TAB2: variants seen among roughly 807,000 people sequenced by gnomAD.
TAB2 encodes the protein TGF-beta activated kinase 1 (MAP3K7) binding protein 2.
A neutral mutation model predicts 65.0 loss-of-function variants in TAB2; 3 were observed. The ratio of observed to expected loss-of-function variants is 0.05; its 90% CI spans 0.02 to 0.12. The LOEUF is 0.12. Ranked by LOEUF, TAB2 falls within the 10% of genes least tolerant of loss-of-function variation. TAB2 has a pLI of 1.00. For synonymous variants in TAB2, 298 were observed against 285.1 expected, an observed-to-expected ratio of 1.05 and a Z score of -0.46; for missense variants, 623 against 840.3, an observed-to-expected ratio of 0.74 and a Z score of 3.20.
In TAB2 at chr6:149,383,987, A is replaced by G. The variant is rs546309121; in HGVS notation, c.1603+4469A>G. ...TGCTTTTACCCTACATAGTTCACAG[A>G]CACTCTCTGCAGTTACTAAACGGGG... On this transcript the variant is annotated intron_variant, in intron 3 of 6. Coordinates refer to ENST00000637181, the MANE Select transcript of TAB2 (RefSeq NM_001292034.3). Among the ~76,000 whole-genome samples, 18 of 152,302 alleles carry G rather than the reference A, an allele frequency of 1.2e-4. No individual in the cohort carries two copies. The South Asian group carries it at 3.5e-3, about 30-fold the overall frequency.
chr6:149,386,906 T>C (rs916817431), intron 3 of TAB2, among the ~76,000 whole-genome samples: 2 of 152,252 alleles, frequency 1.3e-5, no homozygotes, highest in African/African-American at 4.8e-5. Flanking sequence ...GCCATTTGCA[T>C]ATTTTCTTTG....
chr6:149,360,856 G>A (rs144095904), intron 1 of TAB2, among the ~76,000 whole-genome samples: 1 of 152,258 alleles, frequency 6.6e-6, no homozygotes, highest in African/African-American at 2.4e-5. Context: ...ATTCCAAAAG[G>A]GAGAAATTGG....
At chr6:149,344,940 G>A (rs577259515) in intron 1 of TAB2, among the ~76,000 whole-genome samples, 7 of 152,092 alleles carry the variant, frequency 4.6e-5, no homozygotes, top group African/African-American at 7.2e-5. Flanking sequence ...TTATACTCTA[G>A]GCTCAGAGAA....
intron 6 of TAB2, chr6:149,400,150 C>A (rs1782322544): frequency 9.5e-6 from 5 of 527,622 alleles, no homozygotes; most frequent in Admixed American, 3.5e-5. Context: ...TTAAACTCAC[C>A]ACTCACAAGG....
intron 1 of TAB2, among the ~76,000 whole-genome samples, chr6:149,276,333 T>C (rs1181134106): frequency 1.3e-5 from 2 of 152,222 alleles, no homozygotes; most frequent in Non-Finnish European, 2.9e-5. Flanking sequence ...GGTTTATACC[T>C]CTATATATTG....
chr6:149,328,771 CAT>C (rs1779692751), intron 1 of TAB2, among the ~76,000 whole-genome samples: 1 of 152,024 alleles, frequency 6.6e-6, no homozygotes, highest in Non-Finnish European at 1.5e-5. Flanking sequence ...CGGGGTTAAA[CAT>C]AAAATACTTT....
chr6:149,376,633 G>T (rs561291453), intron 2 of TAB2, among the ~76,000 whole-genome samples: 1 of 151,874 alleles, frequency 6.6e-6, no homozygotes, highest in Non-Finnish European at 1.5e-5. Flanking sequence ...TCCTTTCTTC[G>T]GTAGCCTACA....
intron 1 of TAB2, among the ~76,000 whole-genome samples, chr6:149,274,721 A>G (rs1353083005): frequency 6.6e-6 from 1 of 152,210 alleles, no homozygotes; most frequent in Non-Finnish European, 1.5e-5. Context: ...CAAAGTGAGG[A>G]CCAAGGCAAT....
intron 1 of TAB2, among the ~76,000 whole-genome samples, chr6:149,339,310 A>G (rs534631672): frequency 2.0e-5 from 3 of 152,238 alleles, no homozygotes; most frequent in African/African-American, 7.2e-5. Flanking sequence ...CGGAGGTTGC[A>G]GTGAGCCAAG....
intron 1 of TAB2, chr6:149,321,021 CAG>C (rs1181916874): frequency 2.0e-5 from 3 of 152,254 alleles, no homozygotes; most frequent in Admixed American, 1.3e-4. Context: ...GGAGGAGAGA[CAG>C]AGGATAAGAT....
intron 1 of TAB2, among the ~76,000 whole-genome samples, chr6:149,321,625 G>A (rs991755558): frequency 9.9e-5 from 15 of 152,134 alleles, no homozygotes; most frequent in Admixed American, 9.2e-4. Context: ...CTACGTTGAG[G>A]TTATGCGTTT....
At chr6:149,276,405 A>G (rs987753639) in intron 1 of TAB2, among the ~76,000 whole-genome samples, 1 of 152,204 alleles carries the variant, frequency 6.6e-6, no homozygotes, top group African/African-American at 2.4e-5. Flanking sequence ...TAGCGATGAG[A>G]CATTGTACTC....
chr6:149,310,456 G>A (rs1316100778), intron 1 of TAB2, among the ~76,000 whole-genome samples: 1 of 151,974 alleles, frequency 6.6e-6, no homozygotes, highest in Admixed American at 6.6e-5. Context: ...TCTTTCAATA[G>A]ACTTTTTAGA....
chr6:149,390,374 C>G (rs538210062), intron 3 of TAB2, among the ~76,000 whole-genome samples: 76 of 152,180 alleles, frequency 5.0e-4, no homozygotes, highest in African/African-American at 1.4e-3. Context: ...TTTAAAGAAG[C>G]CTAAAATCTT....
In TAB2 at chr6:149,226,583, C is replaced by T. The variant is rs4460229; in HGVS notation, c.-121+7807C>T. On this transcript the variant is annotated intron_variant, in intron 1 of 1. Transcript: ENST00000606202. ...TAAAAACTGTTTTATCTTAACTGAG[C>T]CTCCTCGGGAACAAGTCAGAAAGCA... 4.2e-3 allele frequency among the ~76,000 whole-genome samples: 635 copies of T among 152,298 alleles called. 4 individuals are homozygous for T. The highest frequency in any genetic ancestry group is 7.1e-3 in the Non-Finnish European group (481 of 68,038).
chr6:149,224,340 A>G (rs1229458326), intron 1 of TAB2, among the ~76,000 whole-genome samples: 3 of 152,204 alleles, frequency 2.0e-5, no homozygotes, highest in Non-Finnish European at 4.4e-5. Context: ...TTAGAAGAGG[A>G]GGAACTTTTT....
intron 2 of TAB2, among the ~76,000 whole-genome samples, chr6:149,374,031 C>CA (rs1404143586): frequency 3.9e-5 from 6 of 152,108 alleles, no homozygotes; most frequent in African/African-American, 1.4e-4. Flanking sequence ...ATATTAAAGA[C>CA]ACATGAGTTT....
intron 1 of TAB2, among the ~76,000 whole-genome samples, chr6:149,318,990 C>G (rs1411336868): frequency 1.3e-5 from 2 of 152,190 alleles, no homozygotes; most frequent in African/African-American, 4.8e-5. Context: ...CCAGTGCAGG[C>G]TGTTGAGTAC....
At chr6:149,297,785 A>C (rs1778903706) in intron 1 of TAB2, among the ~76,000 whole-genome samples, 1 of 152,140 alleles carries the variant, frequency 6.6e-6, no homozygotes, top group Non-Finnish European at 1.5e-5. Context: ...CTCCCACCTC[A>C]GCCTCCCAAA....
Sources: gnomAD v4.1 joint callset for allele counts (sites outside exome capture counted in the v4.1 genomes callset) on GRCh38, gnomAD v4.1.1 for gene constraint, MANE v1.5 for transcripts, NCBI Gene and HGNC (gene_info 2026-07-23, HGNC 2026-07-21) for gene names.